Variants in MYRF observed in about 807,000 individuals in gnomAD.
MYRF encodes myelin gene regulatory factor.
In MYRF, 16 loss-of-function variants were observed where a neutral mutation model predicts 126.3. The observed-to-expected ratio is 0.13, with a 90% confidence interval of 0.09 to 0.19. The LOEUF (loss-of-function observed/expected upper bound fraction) is 0.19, where lower values mean the gene tolerates loss of function less well. Ranked by LOEUF, MYRF falls within the 10% of genes least tolerant of loss-of-function variation. The probability of loss-of-function intolerance (pLI) is 1.00; values close to 1 mark genes in which losing one functional copy is unlikely to be tolerated. For missense variants in MYRF, 1,104 were observed against 1,547.0 expected (o/e 0.71, Z 4.80); for synonymous variants, 608 against 635.3 (o/e 0.96, Z 0.65).
At position 61,780,796 on chromosome 11, in the gene MYRF, C is replaced by G; in HGVS notation, c.2486+4C>G. The G allele has an allele frequency of 6.5e-7, 1 of 1,545,332 alleles. No homozygotes were observed. The highest frequency in any genetic ancestry group is 8.7e-7 in the Non-Finnish European group (1 of 1,148,024). ...GGAGTGAGGCCTTGTGCCCATGGTACGTGCTGACCAGCGCCCCTCTCCTCT... is the reference window on the plus strand; with the variant it reads ...GGAGTGAGGCCTTGTGCCCATGGTAGGTGCTGACCAGCGCCCCTCTCCTCT... On this transcript the variant is annotated splice_donor_region_variant and intron_variant, in intron 19 of 26. Transcript: ENST00000278836.
intron 22 of MYRF, 44 bp downstream of exon 22, chr11:61,781,868 G>A: frequency 6.7e-7 from 1 of 1,495,362 alleles, no homozygotes. Context: ...GCCTGGCAAG[G>A]CTCACTGGCC....
rs374399249 is a variant in MYRF at position 61,765,724 on chromosome 11, C to T, written c.134+12C>T. 8 of 1,606,166 alleles carry T rather than the reference C, an allele frequency of 5.0e-6. No individual in the cohort carries two copies. Among genetic ancestry groups the T allele is most frequent in the Admixed American group, 1.7e-5 (1 of 59,632 alleles). Reference sequence around the variant, plus strand: ...GATGCCTCCGACCTGTGAGTGGCCCCCTCGCCCGGCCTGCACCCGCCCAGC... The same window carrying T: ...GATGCCTCCGACCTGTGAGTGGCCCTCTCGCCCGGCCTGCACCCGCCCAGC... On this transcript the variant is annotated intron_variant, in intron 2 of 26. Coordinates refer to ENST00000278836, the MANE Select transcript of MYRF (RefSeq NM_001127392.3).
At chr11:61,755,601 G>C in intron 1 of MYRF, 1 of 899,484 alleles carries the variant, frequency 1.1e-6, no homozygotes, top group Non-Finnish European at 1.8e-6. Context: ...AACCCCCAAA[G>C]AGCTCTTGCC....
At position 61,770,350 on chromosome 11, in the gene MYRF, C is replaced by A. The variant is rs779452498; in HGVS notation, c.565C>A (p.Pro189Thr). The A allele has an allele frequency of 1.0e-5, 15 of 1,506,762 alleles. No homozygotes were observed. In the South Asian group the frequency reaches 1.8e-4, roughly 18 times the overall value. The allele number at this position is 1,506,762 out of a possible 1,614,324, so 93.3% of individuals were successfully genotyped here. Residue 189 changes from proline to threonine, a missense_variant, in exon 5 of 27, where the codon CCG (proline) becomes ACG (threonine). Coordinates refer to ENST00000278836, the MANE Select transcript of MYRF (RefSeq NM_001127392.3). The part of the protein sequence containing the change: ...PPPPAHLPGP[P>T]PPPPPPPHYP... ...ACCTCCAGCCCACTTGCCAGGCCCCCCGCCACCCCCACCACCCCCACCTCA... is the reference window on the plus strand; with the variant it reads ...ACCTCCAGCCCACTTGCCAGGCCCCACGCCACCCCCACCACCCCCACCTCA...
In MYRF at chr11:61,770,394, G is replaced by A. The variant is rs1440628414; in HGVS notation, c.609G>A (p.Arg203=). The A allele has an allele frequency of 6.5e-7, 1 of 1,547,464 alleles. No homozygotes were observed. Among genetic ancestry groups the A allele is most frequent in the Non-Finnish European group, 8.7e-7 (1 of 1,144,640 alleles). ...PPPPHYPVLQ[R]DLYMKAEPPI... is the part of the protein sequence containing the mutation. The stretch of plus-strand genomic sequence containing the variant: ...CACCTCACTACCCTGTCCTGCAGCG[G>A]GATCTGTACATGAAGGCCGAGCCCC... Residue 203 remains arginine (R), a synonymous_variant, in exon 5 of 27, where the codon CGG becomes CGA. Transcript: ENST00000278836.
chr11:61,769,349 C>G, intron 4 of MYRF, 28 bp downstream of exon 4: 1 of 1,592,388 alleles, frequency 6.3e-7, no homozygotes, highest in East Asian at 2.3e-5. Flanking sequence ...CGCCCTCCTG[C>G]TCCAGGGTTT....
In MYRF at chr11:61,777,146, T is replaced by C. The variant is rs2066406615; in HGVS notation, c.1591-118T>C. 1.5e-5 allele frequency: 16 copies of C among 1,100,854 alleles called. No homozygotes were observed. The highest frequency in any genetic ancestry group is 2.2e-5 in the Admixed American group (1 of 46,434). 68.2% of individuals were successfully genotyped at this position (1,100,854 alleles called of 1,614,324 possible). ...GAGGGACAGTTCAAGTTGGGCTTGG[T>C]GCAGTGAGAAACCCTGGCTGGAAGG... is the stretch of plus-strand genomic sequence containing the variant. On this transcript the variant is annotated intron_variant, in intron 11 of 26. Transcript: ENST00000278836. The surrounding 1 kb of genome is among the most constrained non-coding windows in gnomAD (Gnocchi z 8.8).
At position 61,783,785 on chromosome 11, in the gene MYRF, A is replaced by C; in HGVS notation, c.3120-66A>C. On this transcript the variant is annotated intron_variant, in intron 23 of 26. Transcript: ENST00000278836. This position sits in a 1 kb window ranked among gnomAD's most constrained non-coding sequence, Gnocchi z 4.6. The stretch of plus-strand genomic sequence containing the variant: ...CTCCAGTACAGATTGGGGGCTGAGG[A>C]GTCCCTGGTGGGGGTGGGGGGTGGC... 6.7e-7 allele frequency: 1 copy of C among 1,494,410 alleles called. No homozygotes were observed. The highest frequency in any genetic ancestry group is 9.1e-7 in the Non-Finnish European group (1 of 1,094,444). The allele number at this position is 1,494,410 out of a possible 1,614,324, so 92.6% of individuals were successfully genotyped here. A position where few individuals can be genotyped will look rare whatever the true frequency, so the allele number is the denominator to read the frequency against.
At position 61,776,826 on chromosome 11, in the gene MYRF, GA is replaced by G; in HGVS notation, c.1541del (p.Asn514ThrfsTer91). On this transcript the variant is annotated frameshift_variant, in exon 11 of 27. Transcript: ENST00000278836. LOFTEE classifies it high-confidence loss of function. This position sits in a 1 kb window ranked among gnomAD's most constrained non-coding sequence, Gnocchi z 4.3. ...LVVALQAHAQ[N>X]QNYTLAAQIS... is the part of the protein sequence containing the mutation. The stretch of plus-strand genomic sequence containing the variant: ...TGGTGGCCCTCCAGGCTCATGCACA[GA>G]ACCAGAACTACACGCTGGCCGCCCA... 1 of 1,608,744 alleles carries G rather than the reference GA, an allele frequency of 6.2e-7. No homozygotes were observed.
At chr11:61,762,195 G>A (rs756542207) in intron 1 of MYRF, among the ~76,000 whole-genome samples, 11 of 152,182 alleles carry the variant, frequency 7.2e-5, no homozygotes, top group South Asian at 2.1e-4. Context: ...GGCTGACCAC[G>A]GAGAGGAGGG....
chr11:61,776,816 C>T lies in MYRF; in HGVS notation c.1529C>T (p.Ala510Val). The change falls in exon 11 of 27, where the codon GCT becomes GTT. Residue 510 changes from alanine to valine, a missense_variant. This residue lies in a region of MYRF where 48 missense variants were observed against 148.2 expected (regional missense o/e 0.32). Transcript: ENST00000278836. The surrounding 1 kb of genome is among the most constrained non-coding windows in gnomAD (Gnocchi z 4.3). ...TTCATGCTGGTGGTGGCCCTCCAGG[C>T]TCATGCACAGAACCAGAACTACACG... ...RYFMLVVALQ[A>V]HAQNQNYTLA... The T allele has an allele frequency of 6.2e-7, 1 of 1,607,718 alleles. No individual in the cohort carries two copies. The highest frequency in any genetic ancestry group is 8.5e-7 in the Non-Finnish European group (1 of 1,177,414).
At chr11:61,780,021 AGAG>A in intron 17 of MYRF, 91 bp downstream of exon 17, 1 of 1,303,226 alleles carries the variant, frequency 7.7e-7, no homozygotes, top group Middle Eastern at 1.9e-4. Context: ...GCCTGGGGGA[AGAG>A]GAGGATGTAG....
At chr11:61,752,918 C>T in intron 1 of MYRF, 128 bp downstream of exon 1, 2 of 924,276 alleles carry the variant, frequency 2.2e-6, no homozygotes, top group East Asian at 3.4e-5. Context: ...AGGCTGGCAC[C>T]AGCCCGCCAA....
chr11:61,765,515 GGC>G, intron 1 of MYRF, 108 bp from the exon 2 acceptor site: 1 of 787,742 alleles, frequency 1.3e-6, no homozygotes, highest in Non-Finnish European at 2.0e-6. Context: ...AAGGAGCAGG[GGC>G]ATCTGTTTTG....
intron 3 of MYRF, chr11:61,767,446 G>C: frequency 2.2e-6 from 1 of 456,520 alleles, no homozygotes; most frequent in South Asian, 1.5e-5. Flanking sequence ...AGGGAAAGGG[G>C]CTTGTCCAGA....
rs1344891878 is a variant in MYRF, at chr11:61,776,589, G to T, written c.1499+157G>T. Reference sequence around the variant, plus strand: ...CCCTTCATTGACTTAAGGATGGGAAGAGCAGAAGCCTGGCTTCTGGGTTGA... The same window carrying T: ...CCCTTCATTGACTTAAGGATGGGAATAGCAGAAGCCTGGCTTCTGGGTTGA... On this transcript the variant is annotated intron_variant, in intron 10 of 26. Transcript: ENST00000278836. This position sits in a 1 kb window ranked among gnomAD's most constrained non-coding sequence, Gnocchi z 4.3. 6.6e-6 allele frequency among the ~76,000 whole-genome samples: 1 copy of T among 152,152 alleles called. No homozygotes were observed. Among genetic ancestry groups the T allele is most frequent in the Middle Eastern group, 3.2e-3 (1 of 316 alleles).
In MYRF at chr11:61,757,252, G is replaced by T. The variant is rs894700189; in HGVS notation, c.46+4462G>T. On this transcript the variant is annotated intron_variant, in intron 1 of 26. Coordinates refer to ENST00000278836, the MANE Select transcript of MYRF (RefSeq NM_001127392.3). This position sits in a 1 kb window ranked among gnomAD's most constrained non-coding sequence, Gnocchi z 4.7. Reference sequence around the variant, plus strand: ...GGGTCTCGGGGTAGGATGATGTAATGGTTCTGTGCATTCGCCAGCGAGGGC... The same window carrying T: ...GGGTCTCGGGGTAGGATGATGTAATTGTTCTGTGCATTCGCCAGCGAGGGC... 1 of 456,662 alleles carries T rather than the reference G, an allele frequency of 2.2e-6. No homozygotes were observed. The highest frequency in any genetic ancestry group is 4.4e-6 in the Non-Finnish European group (1 of 226,968). The allele number at this position is 456,662 out of a possible 1,614,324, so 28.3% of individuals were successfully genotyped here. A position where few individuals can be genotyped will look rare whatever the true frequency, so the allele number is the denominator to read the frequency against.
At chr11:61,779,665 G>T (rs1717821661) in intron 16 of MYRF, 95 bp downstream of exon 16, 3 of 1,283,524 alleles carry the variant, frequency 2.3e-6, no homozygotes, top group Non-Finnish European at 3.2e-6. Context: ...ACTGCCTCTG[G>T]TGCTTCCCTC....
chr11:61,774,157 G>C lies in MYRF; in HGVS notation c.1306G>C (p.Val436Leu), dbSNP rs763288098. 18 of 1,598,886 alleles carry C rather than the reference G, an allele frequency of 1.1e-5. No homozygotes were observed. The highest frequency in any genetic ancestry group is 1.4e-5 in the Non-Finnish European group (16 of 1,168,978). Residue 436 changes from valine (V) to leucine (L), a missense_variant, in exon 8 of 27, where the codon GTG becomes CTG. Physicochemically the swap from Val to Leu is conservative, Grantham distance 32 (BLOSUM62 1). Coordinates refer to ENST00000278836, the MANE Select transcript of MYRF (RefSeq NM_001127392.3). ...LDCFYLKLHG[V>L]KLEALNQSIN... ...CTGCTTCTATCTGAAGCTGCACGGA[G>C]TGAAGGCAAGTTTGGGGCTCAGCAA...
Sources: allele counts gnomAD v4.1 joint callset (sites outside exome capture counted in the v4.1 genomes callset), GRCh38; gene constraint gnomAD v4.1.1; regional missense constraint gnomAD v4.1.1; non-coding constraint Gnocchi (gnomAD v3.1); transcripts MANE v1.5; gene names NCBI Gene and HGNC (gene_info 2026-07-23, HGNC 2026-07-21).